Variants in SENP2 observed in about 807,000 individuals in gnomAD.
The protein encoded by SENP2 is sentrin-specific protease 2.
In SENP2, 16 loss-of-function variants were observed where a neutral mutation model predicts 86.3. That is an observed-to-expected ratio of 0.19 (90% CI 0.13 to 0.28). The LOEUF (loss-of-function observed/expected upper bound fraction) is 0.28, where lower values mean the gene tolerates loss of function less well. Ranked by LOEUF, SENP2 falls within the 10% of genes least tolerant of loss-of-function variation. SENP2 has a pLI of 1.00. For missense variants in SENP2, 552 were observed against 703.0 expected (o/e 0.79, Z 2.43); for synonymous variants, 222 against 238.7 (o/e 0.93, Z 0.64).
chr3:185,619,715 GTTTAT>G (rs1711768906), intron 13 of SENP2, among the ~76,000 whole-genome samples: 2 of 151,154 alleles, frequency 1.3e-5, no homozygotes, highest in South Asian at 2.1e-4. Context: ...AAAATTTTAT[GTTTAT>G]TTTATTTTAC....
At chr3:185,618,665 T>G (rs140417864) in intron 12 of SENP2, among the ~76,000 whole-genome samples, 1,979 of 151,978 alleles carry the variant, frequency 0.013, 108 homozygotes, top group East Asian at 0.084. Flanking sequence ...GATCACGAGG[T>G]CAGGAGACCG....
intron 6 of SENP2, among the ~76,000 whole-genome samples, chr3:185,607,756 G>C (rs764860389): frequency 3.3e-5 from 5 of 151,850 alleles, no homozygotes; most frequent in Non-Finnish European, 7.4e-5. Flanking sequence ...AAACTCGTGG[G>C]CTCAAGCGAT....
intron 16 of SENP2, among the ~76,000 whole-genome samples, chr3:185,626,863 G>A (rs1712169033): frequency 6.6e-6 from 1 of 151,656 alleles, no homozygotes; most frequent in African/African-American, 2.4e-5. Flanking sequence ...ATCACCTGAG[G>A]TCAGGAGTTC....
chr3:185,618,219 C>T (rs1711696595), intron 12 of SENP2, among the ~76,000 whole-genome samples: 1 of 152,220 alleles, frequency 6.6e-6, no homozygotes, highest in Non-Finnish European at 1.5e-5. Flanking sequence ...GCTGGGATTA[C>T]AGGCGTGAGC....
intron 10 of SENP2, chr3:185,613,625 G>A: frequency 6.3e-6 from 2 of 316,480 alleles, no homozygotes; most frequent in Non-Finnish European, 1.2e-5. Flanking sequence ...GAGCCCAGGA[G>A]TTTGAGACCA....
chr3:185,605,969 A>AT (rs1206721665), intron 5 of SENP2, among the ~76,000 whole-genome samples: 1 of 152,242 alleles, frequency 6.6e-6, no homozygotes, highest in African/African-American at 2.4e-5. Context: ...CATTAAACAA[A>AT]TAATCATACC....
intron 5 of SENP2, 63 bp from the exon 6 acceptor site, chr3:185,606,267 C>T: frequency 6.8e-7 from 1 of 1,467,298 alleles, no homozygotes; most frequent in Non-Finnish European, 9.2e-7. Flanking sequence ...GGTCTGGGAG[C>T]TTAGATTCCA....
rs540475608 is a variant in SENP2, at chr3:185,629,347, C to T, written c.1708-435C>T. On this transcript the variant is annotated intron_variant, in intron 16 of 16. Transcript: ENST00000296257. ...ATCTCAGCACTTTGGGATGCTGAGG[C>T]GGGCGGATCACCTGCAGTTAGGAGG... Among the ~76,000 whole-genome samples, 228 of 152,148 alleles carry T rather than the reference C, an allele frequency of 1.5e-3. 2 individuals carry two copies. The highest frequency in any genetic ancestry group is 4.8e-3 in the African/African-American group (199 of 41,524).
intron 11 of SENP2, 103 bp from the exon 12 acceptor site, chr3:185,617,377 A>C: frequency 1.3e-6 from 1 of 796,076 alleles, no homozygotes; most frequent in Non-Finnish European, 1.9e-6. Flanking sequence ...CTCAAGAGTC[A>C]GGTGTTGCCG....
intron 11 of SENP2, among the ~76,000 whole-genome samples, chr3:185,615,461 A>G (rs1165304312): frequency 2.6e-5 from 4 of 152,160 alleles, no homozygotes; most frequent in Admixed American, 2.0e-4. Flanking sequence ...CTCCTGGCTC[A>G]GCCTCCCTAG....
At position 185,617,626 on chromosome 3, in the gene SENP2, C is replaced by T. The variant is rs763970684; in HGVS notation, c.1242+15C>T. On this transcript the variant is annotated intron_variant, in intron 12 of 16. Transcript: ENST00000296257. ...TCAATGATGAAGTAAGTTGTATTCC[C>T]TCCCCCTTTTGGCTATCATTAAGTT... The T allele has an allele frequency of 1.9e-6, 3 of 1,607,912 alleles. No individual in the cohort carries two copies. Among genetic ancestry groups the T allele is most frequent in the Non-Finnish European group, 2.5e-6 (3 of 1,176,582 alleles).
At chr3:185,612,843 A>G (rs6785918) in intron 9 of SENP2, among the ~76,000 whole-genome samples, 185 bp downstream of exon 9, 57,375 of 152,114 alleles carry the variant, frequency 0.38, 11,028 homozygotes, top group South Asian at 0.56. Flanking sequence ...TGGTGGGTTG[A>G]GGGGGGTGCC....
At chr3:185,599,164 A>G (rs1722265756) in intron 4 of SENP2, 140 bp downstream of exon 4, 2 of 619,792 alleles carry the variant, frequency 3.2e-6, no homozygotes, top group Non-Finnish European at 5.6e-6. Flanking sequence ...AAAAGCAAAT[A>G]GCTTTTCTTC....
rs370964129 is a variant in SENP2 at position 185,594,088 on chromosome 3, A to G, written c.157+3919A>G. Among the ~76,000 whole-genome samples, 6 of 152,124 alleles carry G rather than the reference A, an allele frequency of 3.9e-5. No homozygotes were observed. The East Asian group carries it at 1.2e-3, about 29-fold the overall frequency. On this transcript the variant is annotated intron_variant, in intron 2 of 16. Transcript: ENST00000296257. Reference sequence around the variant, plus strand: ...CTTTACATATACAGTAGTAATTTAAAATTATCTTTTTTTTTTAAGCCAAAA... The same window carrying G: ...CTTTACATATACAGTAGTAATTTAAGATTATCTTTTTTTTTTAAGCCAAAA...
chr3:185,611,230 TC>T (rs1722677288), intron 7 of SENP2, among the ~76,000 whole-genome samples: 1 of 152,218 alleles, frequency 6.6e-6, no homozygotes, highest in Non-Finnish European at 1.5e-5. Flanking sequence ...GAGGCCATGA[TC>T]ACACCACTGC....
intron 16 of SENP2, 37 bp downstream of exon 16, chr3:185,626,430 T>G: frequency 7.1e-7 from 1 of 1,410,768 alleles, no homozygotes; most frequent in Non-Finnish European, 1.0e-6. Context: ...TACTTGTTAC[T>G]AAGCAAGATA....
chr3:185,611,436 A>G (rs1372173337), intron 7 of SENP2: 1 of 394,734 alleles, frequency 2.5e-6, no homozygotes, highest in Admixed American at 4.0e-5. Context: ...CAAACAGAGA[A>G]ACTGGAGGTT....
chr3:185,632,799 C>G lies in SENP2; in HGVS notation c.*2955C>G, dbSNP rs1712549637. On this transcript the variant is annotated 3_prime_UTR_variant, in exon 17 of 17. Transcript: ENST00000296257. ...TCGGCCTCCCAAAGTGCTGGGATTA[C>G]AGGCGTGAGCCATTGCACCTGTCCC... is the stretch of plus-strand genomic sequence containing the variant. 1 of 152,464 alleles carries G rather than the reference C, an allele frequency of 6.6e-6. No homozygotes were observed. The highest frequency in any genetic ancestry group is 2.4e-5 in the African/African-American group (1 of 41,478). The allele number at this position is 152,464 out of a possible 1,614,324, so 9.4% of individuals were successfully genotyped here.
intron 14 of SENP2, among the ~76,000 whole-genome samples, chr3:185,622,872 A>G (rs957434390): frequency 3.1e-5 from 4 of 127,612 alleles, no homozygotes; most frequent in Non-Finnish European, 6.2e-5. Context: ...CACCCCATGC[A>G]GTGGTGCAGT....
Sources: gnomAD v4.1 joint callset for allele counts (sites outside exome capture counted in the v4.1 genomes callset) on GRCh38, gnomAD v4.1.1 for gene constraint, MANE v1.5 for transcripts, NCBI Gene and HGNC (gene_info 2026-07-23, HGNC 2026-07-21) for gene names.